The following RBFOX1 variants were observed in gnomAD, a reference collection of about 807,000 sequenced individuals.
The protein encoded by RBFOX1 is RNA binding fox-1 homolog 1.
Under a neutral mutation model 57.7 loss-of-function variants are expected in RBFOX1, and 8 were observed. The ratio of observed to expected loss-of-function variants is 0.14; its 90% CI spans 0.08 to 0.25. RBFOX1 has a LOEUF of 0.25. Among genes scored for constraint, RBFOX1 ranks in the 10% least tolerant of loss-of-function variants. The probability of loss-of-function intolerance (pLI) is 1.00; values close to 1 mark genes in which losing one functional copy is unlikely to be tolerated. For missense variants in RBFOX1, 611 were observed against 548.5 expected (o/e 1.11, Z -1.14); for synonymous variants, 326 against 222.4 (o/e 1.47, Z -4.15).
chr16:6,682,392 T>A (rs1014324849), intron 3 of RBFOX1, among the ~76,000 whole-genome samples: 6 of 151,542 alleles, frequency 4.0e-5, no homozygotes, highest in Non-Finnish European at 5.9e-5. Context: ...TGCCCCTTCT[T>A]GGGGAAATTG....
intron 4 of RBFOX1, among the ~76,000 whole-genome samples, chr16:7,353,483 A>G (rs2097162951): frequency 6.6e-6 from 1 of 152,204 alleles, no homozygotes; most frequent in African/African-American, 2.4e-5. Context: ...AATTAAAAAC[A>G]TATGTGTACA....
chr16:7,674,552 C>G, intron 13 of RBFOX1, among the ~76,000 whole-genome samples: 1 of 152,314 alleles, frequency 6.6e-6, no homozygotes, highest in East Asian at 1.9e-4. Flanking sequence ...ATCAGGAATG[C>G]TCACAAGCAA....
At chr16:6,528,090 G>C (rs1461900531) in intron 2 of RBFOX1, among the ~76,000 whole-genome samples, 1 of 152,082 alleles carries the variant, frequency 6.6e-6, no homozygotes, top group African/African-American at 2.4e-5. Context: ...GTCACCTTCA[G>C]GAAACCTTTC....
Position 5,653,653 on chromosome 16 carries a change from C to T in RBFOX1, c.318+54692C>T, listed in dbSNP as rs1290812542. On this transcript the variant is annotated intron_variant, in intron 3 of 19. Coordinates refer to the RBFOX1 transcript ENST00000641259. The stretch of plus-strand genomic sequence containing the variant: ...CCTGTTCTGCCGCATGTGCAGCTGC[C>T]GCTCTCTTTGAAATGCTCGGCTTTT... Among the ~76,000 whole-genome samples, 4 of 152,146 alleles carry T rather than the reference C, an allele frequency of 2.6e-5. No individual in the cohort carries two copies. The East Asian group carries it at 5.8e-4, about 22-fold the overall frequency.
chr16:6,838,301 G>C (rs935152332), intron 3 of RBFOX1, among the ~76,000 whole-genome samples: 1 of 151,914 alleles, frequency 6.6e-6, no homozygotes, highest in Non-Finnish European at 1.5e-5. Flanking sequence ...TTCCTGTGAT[G>C]GTTTGCTGAG....
chr16:5,524,493 T>A (rs955153670), intron 2 of RBFOX1, among the ~76,000 whole-genome samples: 2 of 152,032 alleles, frequency 1.3e-5, no homozygotes, highest in African/African-American at 4.8e-5. Context: ...TTCCTTTCGG[T>A]TTATACCCAG....
At chr16:5,513,996 A>C (rs74004355) in intron 2 of RBFOX1, among the ~76,000 whole-genome samples, 2,345 of 152,358 alleles carry the variant, frequency 0.015, 65 homozygotes, top group African/African-American at 0.054. Context: ...TTTGTCATGT[A>C]TATAAATTAT....
intron 4 of RBFOX1, among the ~76,000 whole-genome samples, chr16:7,070,407 T>C (rs2057087070): frequency 6.6e-6 from 1 of 152,224 alleles, no homozygotes; most frequent in African/African-American, 2.4e-5. Context: ...GATATATGCA[T>C]ATACCGAGTA....
intron 3 of RBFOX1, among the ~76,000 whole-genome samples, chr16:6,798,168 G>A (rs928103766): frequency 4.6e-5 from 7 of 152,238 alleles, no homozygotes; most frequent in South Asian, 4.2e-4. Context: ...AAAGCAGGGC[G>A]TTTCTAGTCT....
intron 4 of RBFOX1, among the ~76,000 whole-genome samples, chr16:7,272,976 T>C (rs532611526): frequency 9.3e-6 from 1 of 108,010 alleles, no homozygotes; most frequent in Admixed American, 8.5e-5. Flanking sequence ...CTTCTTTCCT[T>C]CCGTCCCTCC....
intron 2 of RBFOX1, among the ~76,000 whole-genome samples, chr16:6,581,872 G>A (rs2097541528): frequency 6.6e-6 from 1 of 152,212 alleles, no homozygotes; most frequent in Non-Finnish European, 1.5e-5. Flanking sequence ...AACACAATCA[G>A]AGGCATTTCA....
intron 1 of RBFOX1, among the ~76,000 whole-genome samples, chr16:5,319,370 TG>T (rs2064336106): frequency 6.6e-6 from 1 of 152,126 alleles, no homozygotes; most frequent in Non-Finnish European, 1.5e-5. Context: ...AATTTGTCTT[TG>T]GTTCACAGCC....
intron 3 of RBFOX1, among the ~76,000 whole-genome samples, chr16:5,775,945 G>A (rs1408845753): frequency 1.3e-5 from 2 of 152,166 alleles, no homozygotes; most frequent in Non-Finnish European, 2.9e-5. Context: ...GTTCTTGTCT[G>A]GGTTACACAT....
At chr16:5,933,700 A>C (rs1430046698) in intron 4 of RBFOX1, among the ~76,000 whole-genome samples, 1 of 151,818 alleles carries the variant, frequency 6.6e-6, no homozygotes, top group Non-Finnish European at 1.5e-5. Context: ...CTGAAATACT[A>C]TGTAGAGTTT....
chr16:5,887,170 T>C (rs896511571), intron 4 of RBFOX1, among the ~76,000 whole-genome samples: 8 of 152,148 alleles, frequency 5.3e-5, no homozygotes, highest in Admixed American at 2.6e-4. Context: ...TCATAAATAA[T>C]TGGAGTCCTA....
intron 3 of RBFOX1, among the ~76,000 whole-genome samples, chr16:5,771,763 T>A (rs923059924): frequency 6.6e-6 from 1 of 152,226 alleles, no homozygotes; most frequent in African/African-American, 2.4e-5. Flanking sequence ...TGAAATTTAA[T>A]TCTTGCTCTG....
chr16:6,291,981 G>T (rs777535816), intron 1 of RBFOX1, among the ~76,000 whole-genome samples: 5 of 150,272 alleles, frequency 3.3e-5, no homozygotes, highest in Non-Finnish European at 7.4e-5. Flanking sequence ...GTACATACTT[G>T]TGTGTGTGTA....
At chr16:7,428,068 G>C (rs2098639458) in intron 4 of RBFOX1, among the ~76,000 whole-genome samples, 1 of 152,142 alleles carries the variant, frequency 6.6e-6, no homozygotes, top group African/African-American at 2.4e-5. Flanking sequence ...TGTGGCTCAA[G>C]TATTGCCTCC....
intron 4 of RBFOX1, among the ~76,000 whole-genome samples, chr16:7,219,506 T>G (rs1271221783): frequency 6.6e-6 from 1 of 152,110 alleles, no homozygotes; most frequent in African/African-American, 2.4e-5. Context: ...TACTGTTAGG[T>G]GTGTTTAAGG....
Sources: allele counts gnomAD v4.1 joint callset (sites outside exome capture counted in the v4.1 genomes callset), GRCh38; gene constraint gnomAD v4.1.1; transcripts MANE v1.5; gene names NCBI Gene and HGNC (gene_info 2026-07-23, HGNC 2026-07-21).